The following RIMS1 variants were observed in gnomAD, a reference collection of about 807,000 sequenced individuals.
RIMS1 encodes the protein regulating synaptic membrane exocytosis 1.
Under a neutral mutation model 214.1 loss-of-function variants are expected in RIMS1, and 83 were observed. The observed-to-expected ratio is 0.39, with a 90% confidence interval of 0.32 to 0.47. The LOEUF is 0.47. Ranked by LOEUF, RIMS1 falls within the 20% of genes least tolerant of loss-of-function variation. The probability of loss-of-function intolerance (pLI) is 0.99; values close to 1 mark genes in which losing one functional copy is unlikely to be tolerated. For synonymous variants in RIMS1, 793 were observed against 786.8 expected, an observed-to-expected ratio of 1.01 and a Z score of -0.13; for missense variants, 2,050 against 2,161.8, an observed-to-expected ratio of 0.95 and a Z score of 1.03.
At chr6:72,371,878 T>C (rs1449624811) in intron 29 of RIMS1, among the ~76,000 whole-genome samples, 1 of 152,196 alleles carries the variant, frequency 6.6e-6, no homozygotes, top group Non-Finnish European at 1.5e-5. Context: ...ATTTAACCTC[T>C]CTCATCCTTG....
intron 6 of RIMS1, among the ~76,000 whole-genome samples, chr6:72,228,420 TATA>T (rs1254623837): frequency 6.6e-6 from 1 of 151,984 alleles, no homozygotes; most frequent in East Asian, 1.9e-4. Context: ...ATGTTCCTCA[TATA>T]ATATTTTCCT....
chr6:72,378,102 T>A (rs2154413585), intron 29 of RIMS1, among the ~76,000 whole-genome samples: 1 of 152,376 alleles, frequency 6.6e-6, no homozygotes, highest in African/African-American at 2.4e-5. Flanking sequence ...CTTATCACCC[T>A]ACCATTTAGA....
intron 2 of RIMS1, among the ~76,000 whole-genome samples, chr6:71,991,727 AACTT>A (rs1242142492): frequency 2.0e-5 from 3 of 152,202 alleles, no homozygotes; most frequent in African/African-American, 2.4e-5. Flanking sequence ...TTGTTATGAG[AACTT>A]ACTTATTTAA....
intron 22 of RIMS1, among the ~76,000 whole-genome samples, chr6:72,270,220 C>T (rs1046644177): frequency 1.3e-5 from 2 of 152,032 alleles, no homozygotes; most frequent in African/African-American, 4.8e-5. Context: ...GGTCTTGTTT[C>T]AGAGTATAAC....
intron 6 of RIMS1, among the ~76,000 whole-genome samples, chr6:72,188,825 A>G (rs1485781400): frequency 1.3e-5 from 2 of 152,228 alleles, no homozygotes; most frequent in Non-Finnish European, 2.9e-5. Context: ...CCTGTATTCC[A>G]TGCATACTTT....
chr6:72,130,566 A>G (rs911930102), intron 4 of RIMS1, among the ~76,000 whole-genome samples: 1 of 152,118 alleles, frequency 6.6e-6, no homozygotes, highest in African/African-American at 2.4e-5. Flanking sequence ...TTGATCCACT[A>G]AATTCTATTA....
intron 1 of RIMS1, among the ~76,000 whole-genome samples, chr6:71,910,360 T>G (rs1162163299): frequency 6.6e-6 from 1 of 152,172 alleles, no homozygotes; most frequent in African/African-American, 2.4e-5. Context: ...CAAAATATTG[T>G]GCATTCTTGG....
chr6:72,384,096 ATGATTTATC>A (rs1446364346), intron 29 of RIMS1, among the ~76,000 whole-genome samples: 1 of 152,146 alleles, frequency 6.6e-6, no homozygotes, highest in African/African-American at 2.4e-5. Context: ...TGATTGGAAG[ATGATTTATC>A]TGATGTTATC....
Position 71,950,409 on chromosome 6 carries a change from G to A in RIMS1, c.165-18574G>A, listed in dbSNP as rs114623063. Among the ~76,000 whole-genome samples, 630 of 152,152 alleles carry A rather than the reference G, an allele frequency of 4.1e-3. 4 individuals are homozygous for A. Among genetic ancestry groups the A allele is most frequent in the African/African-American group, 0.014 (591 of 41,512 alleles). ...AAAGCAGTTATAATGGAAACCTCTA[G>A]GTAGTAAGAACACCAGAAACTAGTC... On this transcript the variant is annotated intron_variant, in intron 1 of 33. Coordinates refer to ENST00000521978, the MANE Select transcript of RIMS1 (RefSeq NM_014989.7).
chr6:72,092,474 AAG>A (rs1836561113), intron 2 of RIMS1, among the ~76,000 whole-genome samples: 1 of 152,194 alleles, frequency 6.6e-6, no homozygotes, highest in Non-Finnish European at 1.5e-5. Context: ...TTTGAAGATT[AAG>A]AGAGTTATAG....
In RIMS1 at chr6:72,259,692, C is replaced by T. The variant is rs76376337; in HGVS notation, c.3053+581C>T. ...TCTGCATTTGTGAACTAATATTTCA[C>T]GGAAATAATTACTATAAGTCTACAT... On this transcript the variant is annotated intron_variant, in intron 18 of 33. Transcript: ENST00000521978. Among the ~76,000 whole-genome samples, 1,199 of 152,106 alleles carry T rather than the reference C, an allele frequency of 7.9e-3. 32 individuals are homozygous for T. Among genetic ancestry groups the T allele is most frequent in the East Asian group, 0.077 (400 of 5,170 alleles).
At chr6:72,001,023 T>TA (rs60978061) in intron 2 of RIMS1, among the ~76,000 whole-genome samples, 54,627 of 151,940 alleles carry the variant, frequency 0.36, 10,595 homozygotes, top group South Asian at 0.48. Context: ...AAAACACCTG[T>TA]AAAAAAATTC....
chr6:72,159,571 G>A (rs1309280817), intron 4 of RIMS1, among the ~76,000 whole-genome samples: 1 of 140,690 alleles, frequency 7.1e-6, no homozygotes, highest in Non-Finnish European at 1.6e-5. Flanking sequence ...TTTGTGTAAG[G>A]TGTAAGGAAA....
intron 4 of RIMS1, among the ~76,000 whole-genome samples, chr6:72,166,207 A>G (rs532260046): frequency 6.6e-6 from 1 of 152,106 alleles, no homozygotes; most frequent in South Asian, 2.1e-4. Flanking sequence ...GAAATACACA[A>G]ATACACACAC....
chr6:72,208,123 G>A (rs6904574), intron 6 of RIMS1, among the ~76,000 whole-genome samples: 3,190 of 152,266 alleles, frequency 0.021, 111 homozygotes, highest in African/African-American at 0.074. Flanking sequence ...TCTCCGTAAT[G>A]AAAGAAGGAT....
At chr6:72,258,861 GA>G (rs1255816320) in intron 17 of RIMS1, 124 bp from the exon 18 acceptor site, 32 of 920,732 alleles carry the variant, frequency 3.5e-5, no homozygotes, top group Non-Finnish European at 5.3e-5. Context: ...AGTAGGTTTT[GA>G]TTATGATGCA....
intron 16 of RIMS1, among the ~76,000 whole-genome samples, chr6:72,257,638 T>C (rs2076421655): frequency 6.6e-6 from 1 of 152,120 alleles, no homozygotes; most frequent in African/African-American, 2.4e-5. Flanking sequence ...ACTGGAACAA[T>C]ATATTTGTTT....
At chr6:72,046,271 T>C (rs1823003822) in intron 2 of RIMS1, among the ~76,000 whole-genome samples, 1 of 152,014 alleles carries the variant, frequency 6.6e-6, no homozygotes, top group African/African-American at 2.4e-5. Context: ...TGTTCTCATA[T>C]CCATCATTGT....
intron 1 of RIMS1, among the ~76,000 whole-genome samples, chr6:71,949,902 A>G (rs941212665): frequency 6.6e-6 from 1 of 152,200 alleles, no homozygotes; most frequent in South Asian, 2.1e-4. Flanking sequence ...CTTCACAAAG[A>G]CATGGCTTCA....
Sources: gnomAD v4.1 joint callset for allele counts (sites outside exome capture counted in the v4.1 genomes callset) on GRCh38, gnomAD v4.1.1 for gene constraint, MANE v1.5 for transcripts, NCBI Gene and HGNC (gene_info 2026-07-23, HGNC 2026-07-21) for gene names.